The following HIVEP2 variants were observed in gnomAD, a reference collection of about 807,000 sequenced individuals.
HIVEP2 encodes transcription factor HIVEP2.
In HIVEP2, 14 loss-of-function variants were observed where a neutral mutation model predicts 180.7. The observed-to-expected ratio is 0.08, with a 90% confidence interval of 0.05 to 0.12. HIVEP2 has a LOEUF of 0.12. HIVEP2 is among the 10% of genes least tolerant of loss of function. The pLI is 1.00. For synonymous variants in HIVEP2, 1,184 were observed against 1,136.4 expected (o/e 1.04, Z -0.84); for missense variants, 2,579 against 3,008.5 (o/e 0.86, Z 3.34).
chr6:142,794,378 T>C (rs1461200869), intron 2 of HIVEP2, among the ~76,000 whole-genome samples: 1 of 152,194 alleles, frequency 6.6e-6, no homozygotes, highest in Non-Finnish European at 1.5e-5. Flanking sequence ...TTCAATAGTT[T>C]GAGCAACACA....
intron 2 of HIVEP2, among the ~76,000 whole-genome samples, chr6:142,806,428 C>A (rs1468144971): frequency 6.6e-6 from 1 of 152,152 alleles, no homozygotes; most frequent in South Asian, 2.1e-4. Flanking sequence ...CATGTGTTAT[C>A]CAAATCATAA....
intron 2 of HIVEP2, among the ~76,000 whole-genome samples, chr6:142,830,308 G>C (rs1294983896): frequency 6.6e-6 from 1 of 152,130 alleles, no homozygotes; most frequent in South Asian, 2.1e-4. Flanking sequence ...AGATGTTCCA[G>C]CCTGCCAAAA....
Position 142,917,554 on chromosome 6 carries a change from T to G in HIVEP2, c.-641+27545A>C, listed in dbSNP as rs115197689. Among the ~76,000 whole-genome samples, 496 of 152,296 alleles carry G rather than the reference T, an allele frequency of 3.3e-3. 5 individuals are homozygous for G. The highest frequency in any genetic ancestry group is 0.011 in the African/African-American group (469 of 41,554). ...ATATTTCTAAATGATGGGAAAACAT[T>G]AGTATTTCCTAACTTATTTCATTAA... is the stretch of plus-strand genomic sequence containing the variant. On this transcript the variant is annotated intron_variant, in intron 1 of 9. Transcript: ENST00000367603.
At chr6:142,868,088 G>A (rs1776187399) in intron 1 of HIVEP2, among the ~76,000 whole-genome samples, 1 of 152,124 alleles carries the variant, frequency 6.6e-6, no homozygotes, top group East Asian at 1.9e-4. Context: ...AGTCAGCTGT[G>A]TCAGTAATTT....
intron 9 of HIVEP2, among the ~76,000 whole-genome samples, chr6:142,754,376 A>G (rs550739605): frequency 1.3e-5 from 2 of 152,266 alleles, no homozygotes; most frequent in African/African-American, 4.8e-5. Context: ...TACTGGACAG[A>G]TTTTTAATAT....
Position 142,771,946 on chromosome 6 carries a change from G to A in HIVEP2, c.2793C>T (p.Pro931=), listed in dbSNP as rs202053743. The change falls in exon 5 of 10, where the codon CCC becomes CCT. Residue 931 remains proline (P), a synonymous_variant. Transcript: ENST00000367603. The surrounding 1 kb of genome is among the most constrained non-coding windows in gnomAD (Gnocchi z 5.4). ...PQRSETLSQL[P]AEKLPPKKKR... ...TCTTTTTGGGTGGCAACTTCTCCGCGGGGAGCTGGGAAAGGGTCTCACTTC... is the reference window on the plus strand; with the variant it reads ...TCTTTTTGGGTGGCAACTTCTCCGCAGGGAGCTGGGAAAGGGTCTCACTTC... 8.5e-4 allele frequency: 1,364 copies of A among 1,614,014 alleles called. 3 individuals carry two copies. The highest frequency in any genetic ancestry group is 1.1e-3 in the Non-Finnish European group (1,240 of 1,180,034).
In HIVEP2 at chr6:142,775,012, T is replaced by C. The variant is rs1775658519; in HGVS notation, c.-274A>G. The C allele has an allele frequency of 8.5e-7, 1 of 1,172,780 alleles. No individual in the cohort carries two copies. Among genetic ancestry groups the C allele is most frequent in the Non-Finnish European group, 1.1e-6 (1 of 948,758 alleles). 72.6% of individuals were successfully genotyped at this position (1,172,780 alleles called of 1,614,324 possible). On this transcript the variant is annotated 5_prime_UTR_variant, in exon 5 of 10. Transcript: ENST00000367603. ...AGTGCAAATCTATAAAGATTTCTTA[T>C]GGCATTTGAAAATTTTCAACTAGGA... is the stretch of plus-strand genomic sequence containing the variant.
In HIVEP2 at chr6:142,886,689, T is replaced by C. The variant is rs115661067; in HGVS notation, c.-640-49642A>G. On this transcript the variant is annotated intron_variant, in intron 1 of 9. Transcript: ENST00000367603. The stretch of plus-strand genomic sequence containing the variant: ...TTGTTACCCAGTTAATTATTAGCCA[T>C]AGAAATTTATCTATGATAGAATTTA... 4.8e-3 allele frequency among the ~76,000 whole-genome samples: 728 copies of C among 152,292 alleles called. 5 individuals are homozygous for C. The highest frequency in any genetic ancestry group is 0.016 in the African/African-American group (678 of 41,558).
chr6:142,878,454 G>T (rs1776499820), intron 1 of HIVEP2, among the ~76,000 whole-genome samples: 1 of 152,190 alleles, frequency 6.6e-6, no homozygotes, highest in Non-Finnish European at 1.5e-5. Context: ...TTCTGTGGGT[G>T]TGAATTCATG....
chr6:142,903,638 A>C (rs1777187516), intron 1 of HIVEP2, among the ~76,000 whole-genome samples: 1 of 152,210 alleles, frequency 6.6e-6, no homozygotes, highest in African/African-American at 2.4e-5. Context: ...ATTGCAGAAA[A>C]AAAATGACTC....
chr6:142,937,062 C>G (rs1050874439), intron 1 of HIVEP2, among the ~76,000 whole-genome samples: 2 of 152,118 alleles, frequency 1.3e-5, no homozygotes, highest in Non-Finnish European at 2.9e-5. Context: ...AGGGGTAATT[C>G]AGGCCCCAAA....
At chr6:142,918,960 ATTTTAC>A (rs1402253962) in intron 1 of HIVEP2, among the ~76,000 whole-genome samples, 7 of 152,076 alleles carry the variant, frequency 4.6e-5, no homozygotes, top group Non-Finnish European at 5.9e-5. Flanking sequence ...CCTACCTATT[ATTTTAC>A]TTTTAAGTCA....
chr6:142,934,102 A>G (rs1777998529), intron 1 of HIVEP2, among the ~76,000 whole-genome samples: 1 of 152,238 alleles, frequency 6.6e-6, no homozygotes, highest in South Asian at 2.1e-4. Flanking sequence ...CATCAATATC[A>G]GTCAATTATC....
intron 1 of HIVEP2, among the ~76,000 whole-genome samples, chr6:142,939,095 T>A (rs894854251): frequency 1.4e-4 from 22 of 152,268 alleles, no homozygotes; most frequent in African/African-American, 2.6e-4. Flanking sequence ...GTAAAAAAAA[T>A]TTTATATTAG....
chr6:142,807,394 C>CAGCT (rs1776580446), intron 2 of HIVEP2, among the ~76,000 whole-genome samples: 2 of 152,190 alleles, frequency 1.3e-5, no homozygotes, highest in South Asian at 4.1e-4. Flanking sequence ...GGGCTTCATA[C>CAGCT]AGCTGGCCTG....
At chr6:142,936,202 T>TC (rs1232618246) in intron 1 of HIVEP2, among the ~76,000 whole-genome samples, 1 of 150,924 alleles carries the variant, frequency 6.6e-6, no homozygotes, top group Non-Finnish European at 1.5e-5. Context: ...TCTCTCTCTC[T>TC]TTTTTTTTGA....
chr6:142,861,766 C>T (rs979854460), intron 1 of HIVEP2, among the ~76,000 whole-genome samples: 1 of 152,128 alleles, frequency 6.6e-6, no homozygotes, highest in Non-Finnish European at 1.5e-5. Flanking sequence ...ATAGATAAAA[C>T]TCAGTGTATG....
At chr6:142,800,147 A>G (rs1562239463) in intron 2 of HIVEP2, among the ~76,000 whole-genome samples, 1 of 152,188 alleles carries the variant, frequency 6.6e-6, no homozygotes, top group Non-Finnish European at 1.5e-5. Context: ...GCTGGTGTGG[A>G]ATAAATGGTC....
intron 4 of HIVEP2, among the ~76,000 whole-genome samples, chr6:142,775,765 G>A (rs1294969027): frequency 6.6e-6 from 1 of 151,676 alleles, no homozygotes; most frequent in Non-Finnish European, 1.5e-5. Flanking sequence ...AACCCGGGAG[G>A]CAGAGGTTGC....
Sources: gnomAD v4.1 joint callset for allele counts (sites outside exome capture counted in the v4.1 genomes callset) on GRCh38, gnomAD v4.1.1 for gene constraint, Gnocchi (gnomAD v3.1) non-coding constraint, MANE v1.5 for transcripts, NCBI Gene and HGNC (gene_info 2026-07-23, HGNC 2026-07-21) for gene names.